CCDC171: variants seen among roughly 807,000 people sequenced by gnomAD.
CCDC171 encodes the protein coiled-coil domain-containing protein 171.
Under a neutral mutation model 168.2 loss-of-function variants are expected in CCDC171, and 177 were observed. That is an observed-to-expected ratio of 1.05 (90% CI 0.93 to 1.19). The LOEUF (loss-of-function observed/expected upper bound fraction) is 1.19, where lower values mean the gene tolerates loss of function less well. Ranked by LOEUF, CCDC171 falls within the 50% of genes most tolerant of loss-of-function variation. CCDC171 has a pLI of 0.00. For synonymous variants in CCDC171, 687 were observed against 540.8 expected (o/e 1.27, Z -3.75); for missense variants, 1,991 against 1,539.0 (o/e 1.29, Z -4.91).
intron 1 of CCDC171, among the ~76,000 whole-genome samples, chr9:15,560,709 A>G (rs1339346704): frequency 1.3e-5 from 2 of 152,158 alleles, no homozygotes; most frequent in Non-Finnish European, 1.5e-5. Flanking sequence ...ATTATTACCC[A>G]TCGTCTGAAG....
intron 15 of CCDC171, 45 bp downstream of exon 15, chr9:15,728,081 A>G (rs775408451): frequency 1.4e-6 from 2 of 1,442,002 alleles, no homozygotes; most frequent in South Asian, 1.3e-5. Context: ...ATTCAGTGAC[A>G]TTTGTCCACA....
At chr9:15,954,644 T>A (rs1829591849) in intron 25 of CCDC171, among the ~76,000 whole-genome samples, 1 of 150,636 alleles carries the variant, frequency 6.6e-6, no homozygotes, top group Non-Finnish European at 1.5e-5. Flanking sequence ...CAGTAATTTC[T>A]GTGGTCCTGT....
At chr9:15,968,931 C>G (rs1341124158) in intron 25 of CCDC171, among the ~76,000 whole-genome samples, 1 of 152,048 alleles carries the variant, frequency 6.6e-6, no homozygotes, top group Non-Finnish European at 1.5e-5. Context: ...GCAGATGATC[C>G]CAGTAGCAAA....
chr9:15,988,748 A>G (rs1832083941), intron 3 of CCDC171, among the ~76,000 whole-genome samples: 1 of 152,166 alleles, frequency 6.6e-6, no homozygotes, highest in Non-Finnish European at 1.5e-5. Context: ...CACTTTTCCA[A>G]TGGTCTTAGC....
rs750663028 is a variant in CCDC171, at chr9:15,623,408, T to C, written c.817T>C (p.Phe273Leu). The C allele has an allele frequency of 1.2e-6, 2 of 1,605,842 alleles. No homozygotes were observed. Among genetic ancestry groups the C allele is most frequent in the Non-Finnish European group, 1.7e-6 (2 of 1,176,104 alleles). Residue 273 changes from phenylalanine (F) to leucine (L), a missense_variant, in exon 7 of 26, where the codon TTT becomes CTT. Transcript: ENST00000380701. ...TQREERLRKE[F>L]EATTLRVRKL... ...ACGAGAGGAACGCCTTAGAAAAGAA[T>C]TTGAGGTACATTTTCTCATTCCTTT...
At chr9:15,979,530 G>C (rs1201366961) in intron 3 of CCDC171, among the ~76,000 whole-genome samples, 3 of 151,942 alleles carry the variant, frequency 2.0e-5, no homozygotes, top group Non-Finnish European at 4.4e-5. Flanking sequence ...TATTTTTTCT[G>C]TATCTATTGA....
chr9:15,671,421 C>T (rs1268729234), intron 9 of CCDC171, among the ~76,000 whole-genome samples: 1 of 151,800 alleles, frequency 6.6e-6, no homozygotes, highest in Non-Finnish European at 1.5e-5. Flanking sequence ...CATAGGTATA[C>T]ATGTGCCACG....
At chr9:15,595,634 C>T (rs1013356041) in intron 6 of CCDC171, among the ~76,000 whole-genome samples, 1 of 152,128 alleles carries the variant, frequency 6.6e-6, no homozygotes, top group Non-Finnish European at 1.5e-5. Context: ...TTTATAGCAA[C>T]ATGATTTATA....
intron 21 of CCDC171, among the ~76,000 whole-genome samples, chr9:15,798,224 T>C (rs1270426963): frequency 6.6e-6 from 1 of 152,128 alleles, no homozygotes; most frequent in Non-Finnish European, 1.5e-5. Context: ...TTTATAACAT[T>C]CCATTATTAT....
At chr9:15,693,150 A>G (rs1162424101) in intron 10 of CCDC171, among the ~76,000 whole-genome samples, 2 of 152,004 alleles carry the variant, frequency 1.3e-5, no homozygotes, top group African/African-American at 4.8e-5. Flanking sequence ...ACAAAACAAA[A>G]CAAAACACCA....
chr9:16,055,132 G>A (rs534458857), intron 1 of CCDC171, among the ~76,000 whole-genome samples: 70 of 152,310 alleles, frequency 4.6e-4, no homozygotes, highest in Non-Finnish European at 8.8e-4. Context: ...TCAGATTTTT[G>A]ACCTGAGCAT....
At chr9:15,956,877 G>C (rs1829849456) in intron 25 of CCDC171, among the ~76,000 whole-genome samples, 2 of 152,116 alleles carry the variant, frequency 1.3e-5, no homozygotes, top group East Asian at 3.9e-4. Context: ...ATGCCAGGTA[G>C]TCTTTATACA....
At chr9:15,566,225 G>A (rs2039716391) in intron 2 of CCDC171, among the ~76,000 whole-genome samples, 1 of 151,502 alleles carries the variant, frequency 6.6e-6, no homozygotes, top group Admixed American at 6.6e-5. Context: ...TGAGCTTTAG[G>A]AGTGTTTGTA....
intron 16 of CCDC171, 71 bp downstream of exon 16, chr9:15,729,869 C>A: frequency 8.8e-7 from 1 of 1,132,776 alleles, no homozygotes; most frequent in Non-Finnish European, 1.3e-6. Flanking sequence ...TTTTTTTTTT[C>A]AGTAGCAGTG....
At chr9:15,672,059 G>A (rs1018436546) in intron 9 of CCDC171, among the ~76,000 whole-genome samples, 1 of 152,126 alleles carries the variant, frequency 6.6e-6, no homozygotes, top group Non-Finnish European at 1.5e-5. Context: ...GTGTGAGATG[G>A]TATCTCATTG....
In CCDC171 at chr9:15,905,258, C is replaced by T. The variant is rs534371514; in HGVS notation, c.3601-15012C>T. 5.3e-5 allele frequency among the ~76,000 whole-genome samples: 8 copies of T among 152,264 alleles called. No homozygotes were observed. In the South Asian group the frequency reaches 1.7e-3, roughly 32 times the overall value. ...CACACTGCACTTATTCCAAAATTGA[C>T]CACATAGTTGGAAGTAAAGCACTCC... On this transcript the variant is annotated intron_variant, in intron 24 of 25. Coordinates refer to ENST00000380701, the MANE Select transcript of CCDC171 (RefSeq NM_173550.4).
At chr9:16,103,195 C>G in the CCDC171 span, among the ~76,000 whole-genome samples, 3 of 152,176 alleles carry the variant, frequency 2.0e-5, no homozygotes, top group Non-Finnish European at 4.4e-5. Context: ...AGTTTCAGTT[C>G]TGAGCTTTAA....
At chr9:15,835,298 A>G (rs1356131143) in intron 21 of CCDC171, among the ~76,000 whole-genome samples, 1 of 152,192 alleles carries the variant, frequency 6.6e-6, no homozygotes, top group African/African-American at 2.4e-5. Context: ...ATAAAATGTT[A>G]TATAACTGAG....
chr9:15,591,165 G>T (rs1235624860), intron 4 of CCDC171, among the ~76,000 whole-genome samples: 1 of 152,146 alleles, frequency 6.6e-6, no homozygotes, highest in East Asian at 1.9e-4. Flanking sequence ...GAAAATTATA[G>T]AATAGATTGA....
Sources: gnomAD v4.1 joint callset for allele counts (sites outside exome capture counted in the v4.1 genomes callset) on GRCh38, gnomAD v4.1.1 for gene constraint, MANE v1.5 for transcripts, NCBI Gene and HGNC (gene_info 2026-07-23, HGNC 2026-07-21) for gene names.